The following RAD54L2 variants were observed in gnomAD, a reference collection of about 807,000 sequenced individuals.
RAD54L2 encodes the protein helicase ARIP4.
In RAD54L2, 27 loss-of-function variants were observed where a neutral mutation model predicts 138.4. That is an observed-to-expected ratio of 0.20 (90% CI 0.14 to 0.27). RAD54L2 has a LOEUF of 0.27. Ranked by LOEUF, RAD54L2 falls within the 10% of genes least tolerant of loss-of-function variation. The pLI is 1.00. For synonymous variants in RAD54L2, 644 were observed against 723.2 expected (o/e 0.89, Z 1.76); for missense variants, 1,396 against 1,890.2 (o/e 0.74, Z 4.85).
intron 3 of RAD54L2, among the ~76,000 whole-genome samples, chr3:51,593,010 A>G (rs888193756): frequency 3.3e-5 from 5 of 152,180 alleles, no homozygotes; most frequent in African/African-American, 1.2e-4. Flanking sequence ...TACTAGTAAG[A>G]ATAGCTATGA....
chr3:51,661,118 C>T lies in RAD54L2; in HGVS notation c.3409+1000C>T, dbSNP rs563228460. Among the ~76,000 whole-genome samples the T allele has an allele frequency of 3.3e-5, 5 of 152,160 alleles. No individual in the cohort carries two copies. In the East Asian group the frequency reaches 9.7e-4, roughly 29 times the overall value. ...CTGGGATTACAGGTGCGTGCCACCA[C>T]GCCCAGCTAATTTTTGCATTTTTTG... On this transcript the variant is annotated intron_variant, in intron 22 of 22. Transcript: ENST00000684192.
At chr3:51,606,380 C>T (rs555801431) in intron 3 of RAD54L2, among the ~76,000 whole-genome samples, 57 of 152,164 alleles carry the variant, frequency 3.7e-4, no homozygotes, top group African/African-American at 1.1e-3. Flanking sequence ...AGAGGAGTAG[C>T]CTGAGATTCT....
chr3:51,616,938 G>A (rs1700456154), intron 3 of RAD54L2, among the ~76,000 whole-genome samples: 1 of 152,136 alleles, frequency 6.6e-6, no homozygotes, highest in Non-Finnish European at 1.5e-5. Flanking sequence ...TTATAGATTA[G>A]CTTTGCCTAT....
At chr3:51,605,664 C>CT (rs1390158658) in intron 3 of RAD54L2, among the ~76,000 whole-genome samples, 1 of 152,076 alleles carries the variant, frequency 6.6e-6, no homozygotes, top group Non-Finnish European at 1.5e-5. Flanking sequence ...GTTTGCTAGG[C>CT]TGGTCTCGAA....
chr3:51,555,295 G>A (rs1490789596), intron 2 of RAD54L2, among the ~76,000 whole-genome samples: 2 of 151,482 alleles, frequency 1.3e-5, no homozygotes, highest in Non-Finnish European at 1.5e-5. Flanking sequence ...CAGATACTGA[G>A]ATGATGTTAT....
At position 51,561,176 on chromosome 3, in the gene RAD54L2, A is replaced by G. The variant is rs200657169; in HGVS notation, c.-55+19526A>G. On this transcript the variant is annotated intron_variant, in intron 2 of 22. Transcript: ENST00000684192. The stretch of plus-strand genomic sequence containing the variant: ...TCCCATACTTCCTACTTTATGCTTT[A>G]GTAATACAGACTGCTTGGATTTCCT... Among the ~76,000 whole-genome samples, 22 of 152,310 alleles carry G rather than the reference A, an allele frequency of 1.4e-4. No individual in the cohort carries two copies. The East Asian group carries it at 3.3e-3, about 23-fold the overall frequency.
intron 2 of RAD54L2, among the ~76,000 whole-genome samples, chr3:51,548,228 G>A (rs868942170): frequency 7.3e-5 from 11 of 150,678 alleles, no homozygotes; most frequent in Admixed American, 6.0e-4. Flanking sequence ...TTGCTCTGTC[G>A]CCCAGGCTGG....
At chr3:51,639,303 T>C (rs1220953626) in intron 12 of RAD54L2, 116 bp from the exon 13 acceptor site, 1 of 1,277,684 alleles carries the variant, frequency 7.8e-7, no homozygotes, top group African/African-American at 1.5e-5. Flanking sequence ...ATTTTTGGTG[T>C]GACAGTGTTT....
At chr3:51,597,300 A>G (rs1368365394) in intron 3 of RAD54L2, among the ~76,000 whole-genome samples, 2 of 152,068 alleles carry the variant, frequency 1.3e-5, no homozygotes, top group Admixed American at 6.6e-5. Flanking sequence ...CTGCTTGCCA[A>G]AGAGTTTTAT....
chr3:51,630,746 A>C lies in RAD54L2; in HGVS notation c.640A>C (p.Ile214Leu). ...LSSGEEDTLH[I>L]VDSSESVSED... ...CTCTGGAGAGGAGGACACTCTGCACATTGTGGACAGCAGTGAATCTGTCAG... is the reference window on the plus strand; with the variant it reads ...CTCTGGAGAGGAGGACACTCTGCACCTTGTGGACAGCAGTGAATCTGTCAG... Residue 214 changes from isoleucine to leucine, a missense_variant, in exon 7 of 23, where the codon ATT becomes CTT. Ile to Leu is a conservative substitution (Grantham distance 5). Transcript: ENST00000684192. The C allele has an allele frequency of 1.9e-6, 3 of 1,613,996 alleles. No individual in the cohort carries two copies. The highest frequency in any genetic ancestry group is 1.3e-5 in the African/African-American group (1 of 75,048).
intron 14 of RAD54L2, among the ~76,000 whole-genome samples, 181 bp from the exon 15 acceptor site, chr3:51,641,568 C>A (rs186181511): frequency 6.6e-6 from 1 of 152,132 alleles, no homozygotes; most frequent in Non-Finnish European, 1.5e-5. Flanking sequence ...CCACCCGCCT[C>A]GGCCTCCCAA....
chr3:51,572,298 C>A (rs1051169382), intron 2 of RAD54L2, among the ~76,000 whole-genome samples: 4 of 151,954 alleles, frequency 2.6e-5, no homozygotes, highest in Admixed American at 6.6e-5. Context: ...ACTAAAAATA[C>A]AAAAATTAGC....
chr3:51,570,217 C>T (rs920955653), intron 2 of RAD54L2, among the ~76,000 whole-genome samples: 3 of 146,282 alleles, frequency 2.1e-5, no homozygotes, highest in Non-Finnish European at 4.5e-5. Context: ...GATCTCAGCT[C>T]ACTGCAGCGT....
At position 51,637,398 on chromosome 3, in the gene RAD54L2, G is replaced by A. The variant is rs1166870408; in HGVS notation, c.1577G>A (p.Arg526His). ...TRQEFSNMFERPILNGQCIDS... is the reference protein window; with the variant it reads ...TRQEFSNMFEHPILNGQCIDS... ...CAGGAGTTCAGCAACATGTTTGAAC[G>A]CCCTATCCTGAATGGGCAATGTATT... Residue 526 changes from arginine (R) to histidine (H), a missense_variant, in exon 11 of 23, where the codon CGC becomes CAC. Arg to His is a conservative substitution (Grantham distance 29, BLOSUM62 0). Transcript: ENST00000684192. This position sits in a 1 kb window ranked among gnomAD's most constrained non-coding sequence, Gnocchi z 5.9. 6.2e-6 allele frequency: 10 copies of A among 1,613,734 alleles called. No homozygotes were observed. The highest frequency in any genetic ancestry group is 2.2e-5 in the South Asian group (2 of 91,032).
intron 2 of RAD54L2, among the ~76,000 whole-genome samples, chr3:51,583,437 T>A (rs531819606): frequency 2.2e-4 from 34 of 151,852 alleles, no homozygotes; most frequent in Middle Eastern, 3.4e-3. Flanking sequence ...TTATTTTTTT[T>A]TTTTTGAGTC....
chr3:51,661,860 T>A (rs1257011254), intron 22 of RAD54L2, among the ~76,000 whole-genome samples: 1 of 152,214 alleles, frequency 6.6e-6, no homozygotes, highest in East Asian at 1.9e-4. Context: ...TCATTTTATC[T>A]CTAAGTACTT....
chr3:51,570,225 C>T (rs780576404), intron 2 of RAD54L2, among the ~76,000 whole-genome samples: 4 of 147,394 alleles, frequency 2.7e-5, no homozygotes, highest in African/African-American at 7.6e-5. Flanking sequence ...CTCACTGCAG[C>T]GTCTGCCTCC....
chr3:51,574,312 G>A (rs1699412274), intron 2 of RAD54L2, among the ~76,000 whole-genome samples: 1 of 152,152 alleles, frequency 6.6e-6, no homozygotes, highest in African/African-American at 2.4e-5. Context: ...ACATACGTGT[G>A]CATGTGTCTT....
intron 21 of RAD54L2, 92 bp from the exon 22 acceptor site, chr3:51,659,934 A>G (rs1701715439): frequency 2.2e-6 from 2 of 892,962 alleles, no homozygotes; most frequent in African/African-American, 1.7e-5. Flanking sequence ...TTGTATAGCT[A>G]TTTACAAGCC....
Sources: allele counts gnomAD v4.1 joint callset (sites outside exome capture counted in the v4.1 genomes callset), GRCh38; gene constraint gnomAD v4.1.1; non-coding constraint Gnocchi (gnomAD v3.1); transcripts MANE v1.5; gene names NCBI Gene and HGNC (gene_info 2026-07-23, HGNC 2026-07-21).